The following RAB6A variants were observed in gnomAD, a reference collection of about 807,000 sequenced individuals.
The protein encoded by RAB6A is RAB6A, member RAS oncogene family.
RAB6A carries 8 observed loss-of-function variants against 32.3 expected under a neutral mutation model. The observed-to-expected ratio is 0.25, with a 90% CI of 0.15 to 0.45. RAB6A has a LOEUF of 0.45. RAB6A is among the 20% of genes least tolerant of loss of function. The probability of loss-of-function intolerance (pLI) is 1.00; values close to 1 mark genes in which losing one functional copy is unlikely to be tolerated. For missense variants in RAB6A, 104 were observed against 249.4 expected (o/e 0.42, Z 3.93); for synonymous variants, 73 against 82.1 (o/e 0.89, Z 0.60).
chr11:73,708,496 A>G (rs1945887078), intron 5 of RAB6A, among the ~76,000 whole-genome samples: 1 of 141,944 alleles, frequency 7.0e-6, no homozygotes, highest in African/African-American at 2.7e-5. Flanking sequence ...TAAGTGAAGT[A>G]AGTGAGTCAA....
intron 6 of RAB6A, among the ~76,000 whole-genome samples, chr11:73,691,698 C>T (rs1002304034): frequency 3.1e-4 from 47 of 152,190 alleles, no homozygotes; most frequent in African/African-American, 8.7e-4. Flanking sequence ...CGGTGGCTCA[C>T]GCTTGTAATC....
At chr11:73,700,897 A>G (rs1162630245) in intron 6 of RAB6A, among the ~76,000 whole-genome samples, 1 of 152,202 alleles carries the variant, frequency 6.6e-6, no homozygotes, top group East Asian at 1.9e-4. Flanking sequence ...ATTTTTAAGT[A>G]AGAAGGCAAA....
intron 3 of RAB6A, chr11:73,718,925 AAC>A: frequency 6.5e-7 from 1 of 1,531,408 alleles, no homozygotes; most frequent in Non-Finnish European, 8.9e-7. Flanking sequence ...AAAAAAAAAA[AAC>A]CAAACTAATA....
chr11:73,745,132 G>C (rs2135001980), intron 1 of RAB6A, among the ~76,000 whole-genome samples: 1 of 152,152 alleles, frequency 6.6e-6, no homozygotes, highest in East Asian at 1.9e-4. Context: ...AGGAAAAATT[G>C]GTAATATAAT....
Position 73,760,739 on chromosome 11 carries a change from C to T in RAB6A, c.-104G>A. On this transcript the variant is annotated 5_prime_UTR_variant, in exon 1 of 8. Coordinates refer to ENST00000336083, the MANE Select transcript of RAB6A (RefSeq NM_198896.2). ...GGCGAGCGGAAGGGCGGGCACCGAG[C>T]TCTCTCGGCCCCTGCAAGGCCCGGT... The T allele has an allele frequency of 1.3e-6, 2 of 1,491,018 alleles. No individual in the cohort carries two copies. Among genetic ancestry groups the T allele is most frequent in the Non-Finnish European group, 1.8e-6 (2 of 1,101,588 alleles). The allele number at this position is 1,491,018 out of a possible 1,614,324, so 92.4% of individuals were successfully genotyped here. A position where few individuals can be genotyped will look rare whatever the true frequency, so the allele number is the denominator to read the frequency against.
intron 6 of RAB6A, among the ~76,000 whole-genome samples, chr11:73,700,782 A>G (rs967125704): frequency 2.6e-5 from 4 of 152,130 alleles, no homozygotes; most frequent in African/African-American, 4.8e-5. Context: ...TCTAGTACTG[A>G]TTGTTTTATT....
chr11:73,760,514 G>C, intron 1 of RAB6A, 52 bp downstream of exon 1: 1 of 1,545,014 alleles, frequency 6.5e-7, no homozygotes, highest in Non-Finnish European at 8.8e-7. Flanking sequence ...CACCGGGGGC[G>C]GTGCGGGGAC....
rs1035273832 is a variant in RAB6A at position 73,676,433 on chromosome 11, G to A, written c.*1465C>T. 8 of 166,516 alleles carry A rather than the reference G, an allele frequency of 4.8e-5. No individual in the cohort carries two copies. Among genetic ancestry groups the A allele is most frequent in the African/African-American group, 1.9e-4 (8 of 41,314 alleles). 10.3% of individuals were successfully genotyped at this position (166,516 alleles called of 1,614,324 possible). The stretch of plus-strand genomic sequence containing the variant: ...TTTTAAGGGAAATACATATTGCCAT[G>A]GTGAAGCTCTAAATAGATTCAACGA... On this transcript the variant is annotated 3_prime_UTR_variant, in exon 8 of 8. Coordinates refer to ENST00000336083, the MANE Select transcript of RAB6A (RefSeq NM_198896.2).
In RAB6A at chr11:73,739,283, AAATATATATAT is replaced by A. The variant is rs1434289301; in HGVS notation, c.71-8471_71-8461del. Among the ~76,000 whole-genome samples the A allele has an allele frequency of 2.9e-4, 12 of 40,876 alleles. No homozygotes were observed. The South Asian group carries it at 4.8e-3, about 16-fold the overall frequency. 26.8% of individuals were successfully genotyped at this position (40,876 alleles called of 152,430 possible). ...ATAATTAAAAAAAAAAAAAAAAAAA[AAATATATATAT>A]ATATATATATAAATACTGGAACACC... is the stretch of plus-strand genomic sequence containing the variant. On this transcript the variant is annotated intron_variant, in intron 1 of 7. Transcript: ENST00000336083.
chr11:73,687,686 T>C (rs1945481599), intron 6 of RAB6A, among the ~76,000 whole-genome samples: 1 of 152,178 alleles, frequency 6.6e-6, no homozygotes, highest in Non-Finnish European at 1.5e-5. Context: ...TGAAACCCCG[T>C]TTCTTTTAAA....
At chr11:73,735,191 C>T (rs1220523184) in intron 1 of RAB6A, among the ~76,000 whole-genome samples, 1 of 152,186 alleles carries the variant, frequency 6.6e-6, no homozygotes, top group Non-Finnish European at 1.5e-5. Flanking sequence ...AGGCCAGACA[C>T]AACAATGATC....
chr11:73,753,717 A>AG (rs1177260867), intron 1 of RAB6A, among the ~76,000 whole-genome samples: 1 of 151,828 alleles, frequency 6.6e-6, no homozygotes, highest in East Asian at 2.0e-4. Flanking sequence ...TCTGAAAAAA[A>AG]AACAAAAAAA....
intron 2 of RAB6A, among the ~76,000 whole-genome samples, chr11:73,729,135 G>C (rs539678515): frequency 1.2e-4 from 19 of 152,194 alleles, no homozygotes; most frequent in Admixed American, 9.8e-4. Flanking sequence ...GTCTCACTCT[G>C]TCACCCAGGC....
intron 1 of RAB6A, among the ~76,000 whole-genome samples, chr11:73,731,219 A>G (rs1385983939): frequency 6.6e-6 from 1 of 152,112 alleles, no homozygotes; most frequent in Admixed American, 6.6e-5. Flanking sequence ...TAGAAGGGGT[A>G]TGAGGGCTAC....
chr11:73,731,280 CACGCCTGT>C (rs1411439569), intron 1 of RAB6A, among the ~76,000 whole-genome samples: 3 of 152,174 alleles, frequency 2.0e-5, no homozygotes, highest in Non-Finnish European at 4.4e-5. Context: ...TGCGATGGTT[CACGCCTGT>C]AATCCCAGCA....
rs1052119890 is a variant in RAB6A, at chr11:73,741,877, A to T, written c.71-11054T>A. ...TTTTTTAGATCAGTTTTAGGTTCAC[A>T]GCAAAATTGAGAGGCACTTACTGAT... On this transcript the variant is annotated intron_variant, in intron 1 of 7. Coordinates refer to ENST00000336083, the MANE Select transcript of RAB6A (RefSeq NM_198896.2). Among the ~76,000 whole-genome samples the T allele has an allele frequency of 2.6e-5, 4 of 152,370 alleles. No individual in the cohort carries two copies. The South Asian group carries it at 8.3e-4, about 32-fold the overall frequency.
intron 1 of RAB6A, among the ~76,000 whole-genome samples, chr11:73,747,906 C>T (rs185735883): frequency 2.0e-4 from 30 of 152,204 alleles, no homozygotes; most frequent in African/African-American, 6.7e-4. Context: ...ACATAATGGC[C>T]CATTATCTTA....
chr11:73,724,571 C>T (rs753517190), intron 2 of RAB6A, among the ~76,000 whole-genome samples: 5 of 151,558 alleles, frequency 3.3e-5, no homozygotes, highest in Middle Eastern at 3.4e-3. Flanking sequence ...CCGCAACCTC[C>T]GCCTCCCGGG....
chr11:73,696,867 G>T (rs867245608), intron 6 of RAB6A, among the ~76,000 whole-genome samples: 1 of 151,988 alleles, frequency 6.6e-6, no homozygotes, highest in Non-Finnish European at 1.5e-5. Context: ...GCCTCCCAAG[G>T]TGCTGGGATT....
Sources: gnomAD v4.1 joint callset for allele counts (sites outside exome capture counted in the v4.1 genomes callset) on GRCh38, gnomAD v4.1.1 for gene constraint, MANE v1.5 for transcripts, NCBI Gene and HGNC (gene_info 2026-07-23, HGNC 2026-07-21) for gene names.